The following DCAF6 variants were observed in gnomAD, a reference collection of about 807,000 sequenced individuals.
DCAF6 encodes the protein DDB1 and CUL4 associated factor 6.
A neutral mutation model predicts 125.1 loss-of-function variants in DCAF6; 54 were observed. The observed-to-expected ratio is 0.43, with a 90% CI of 0.35 to 0.54. DCAF6 has a LOEUF of 0.54. Ranked by LOEUF, DCAF6 falls within the 20% of genes least tolerant of loss-of-function variation. The pLI is 0.01. For synonymous variants in DCAF6, 371 were observed against 390.4 expected, an observed-to-expected ratio of 0.95 and a Z score of 0.58; for missense variants, 934 against 1,161.7, an observed-to-expected ratio of 0.80 and a Z score of 2.85.
intron 11 of DCAF6, among the ~76,000 whole-genome samples, chr1:168,018,123 A>G (rs1294654249): frequency 1.3e-5 from 2 of 152,238 alleles, no homozygotes; most frequent in African/African-American, 2.4e-5. Context: ...CCTGTAGGAA[A>G]GTTAGATCAA....
At chr1:167,904,962 C>T in the DCAF6 span, 3 of 1,614,184 alleles carry the variant, frequency 1.9e-6, no homozygotes, top group Admixed American at 1.7e-5. Flanking sequence ...GTTGCTCATC[C>T]ACATTAAACA....
At chr1:167,879,547 A>G in the DCAF6 span, among the ~76,000 whole-genome samples, 1 of 151,888 alleles carries the variant, frequency 6.6e-6, no homozygotes, top group Non-Finnish European at 1.5e-5. Context: ...CCTCACCCCC[A>G]TACACTCCCC....
intron 10 of DCAF6, among the ~76,000 whole-genome samples, chr1:168,005,992 A>G (rs1453104536): frequency 1.3e-5 from 2 of 152,158 alleles, no homozygotes; most frequent in Non-Finnish European, 2.9e-5. Flanking sequence ...TTTGTTTTTC[A>G]AAGCAGGTAA....
chr1:167,903,289 C>A, the DCAF6 span, among the ~76,000 whole-genome samples: 1,632 of 149,490 alleles, frequency 0.011, 29 homozygotes, highest in African/African-American at 0.03. Flanking sequence ...AATAGCCGGG[C>A]ACCCTGGCTC....
At chr1:167,935,950 G>T, upstream of DCAF6, 2 of 819,412 alleles carry the variant, frequency 2.4e-6, no homozygotes, top group Non-Finnish European at 4.0e-6. Flanking sequence ...ACTCGCGTCC[G>T]CCTCTCGCCT....
upstream of DCAF6, among the ~76,000 whole-genome samples, chr1:167,931,568 T>C (rs1034180255): frequency 2.0e-5 from 3 of 151,982 alleles, no homozygotes; most frequent in Non-Finnish European, 4.4e-5. Flanking sequence ...TATGGACATA[T>C]ATTAATATCT....
chr1:167,945,078 G>A (rs992533049), intron 1 of DCAF6, among the ~76,000 whole-genome samples: 1 of 152,124 alleles, frequency 6.6e-6, no homozygotes, highest in African/African-American at 2.4e-5. Flanking sequence ...CCATTGACCT[G>A]TGTGTCTTAT....
intron 10 of DCAF6, among the ~76,000 whole-genome samples, chr1:168,012,802 C>T (rs1014510921): frequency 6.6e-6 from 1 of 152,034 alleles, no homozygotes. Flanking sequence ...TTAAAAAGCA[C>T]CGGAAATATT....
At chr1:167,906,324 G>A in the DCAF6 span, among the ~76,000 whole-genome samples, 1 of 150,972 alleles carries the variant, frequency 6.6e-6, no homozygotes, top group Non-Finnish European at 1.5e-5. Context: ...AAACTCAAAT[G>A]TTAAGAAGTG....
chr1:167,982,609 TTGTC>T (rs1455478572), intron 4 of DCAF6, among the ~76,000 whole-genome samples: 7 of 152,174 alleles, frequency 4.6e-5, no homozygotes, highest in African/African-American at 7.2e-5. Flanking sequence ...ATTCTTTAGG[TTGTC>T]TGTTTACTTT....
intron 4 of DCAF6, among the ~76,000 whole-genome samples, chr1:167,985,963 A>G (rs1400421528): frequency 6.6e-6 from 1 of 152,184 alleles, no homozygotes; most frequent in Admixed American, 6.5e-5. Flanking sequence ...AAAAATGGGA[A>G]TCATACTGTG....
intron 10 of DCAF6, 122 bp downstream of exon 10, chr1:168,004,915 T>G: frequency 8.9e-7 from 1 of 1,125,018 alleles, no homozygotes; most frequent in Non-Finnish European, 1.2e-6. Context: ...CAAAATGACA[T>G]GTAATATATG....
chr1:167,948,562 A>T (rs1232597534), intron 1 of DCAF6, among the ~76,000 whole-genome samples: 1 of 152,202 alleles, frequency 6.6e-6, no homozygotes, highest in African/African-American at 2.4e-5. Context: ...ACAAAGTTGT[A>T]ATTTATTTAA....
At chr1:168,073,396 G>A (rs1287047370) in intron 21 of DCAF6, among the ~76,000 whole-genome samples, 2 of 152,172 alleles carry the variant, frequency 1.3e-5, no homozygotes, top group Non-Finnish European at 2.9e-5. Flanking sequence ...TCTGGAAGAG[G>A]TGACTATGCA....
At chr1:168,042,265 T>G (rs1158195414) in intron 13 of DCAF6, among the ~76,000 whole-genome samples, 1 of 152,092 alleles carries the variant, frequency 6.6e-6, no homozygotes, top group African/African-American at 2.4e-5. Flanking sequence ...AAAGAATTGT[T>G]GCATTTCTAT....
At chr1:168,067,482 C>T (rs1692483836) in intron 20 of DCAF6, among the ~76,000 whole-genome samples, 1 of 151,996 alleles carries the variant, frequency 6.6e-6, no homozygotes, top group Non-Finnish European at 1.5e-5. Context: ...GGACAGAAGT[C>T]TGAGAATAGT....
chr1:167,989,955 G>T (rs1055624798), intron 5 of DCAF6, among the ~76,000 whole-genome samples: 1 of 152,054 alleles, frequency 6.6e-6, no homozygotes, highest in African/African-American at 2.4e-5. Context: ...TATGTTTGGG[G>T]TACTAGCTCT....
intron 17 of DCAF6, among the ~76,000 whole-genome samples, chr1:168,061,614 AT>A (rs1691606601): frequency 6.6e-6 from 1 of 152,166 alleles, no homozygotes; most frequent in Admixed American, 6.5e-5. Flanking sequence ...CTATATGAAC[AT>A]TTAGATTATT....
chr1:167,915,837 T>C, the DCAF6 span, among the ~76,000 whole-genome samples: 2 of 152,192 alleles, frequency 1.3e-5, no homozygotes, highest in Non-Finnish European at 2.9e-5. Flanking sequence ...AACAATCCTA[T>C]GAAGTCAGTA....
Sources: allele counts gnomAD v4.1 joint callset (sites outside exome capture counted in the v4.1 genomes callset), GRCh38; gene constraint gnomAD v4.1.1; transcripts MANE v1.5; gene names NCBI Gene and HGNC (gene_info 2026-07-23, HGNC 2026-07-21).